SQLE: variants seen among roughly 807,000 people sequenced by gnomAD.
The protein encoded by SQLE is squalene monooxygenase.
In SQLE, 29 loss-of-function variants were observed where a neutral mutation model predicts 60.7. The observed-to-expected ratio is 0.48, with a 90% CI of 0.36 to 0.65. The LOEUF (loss-of-function observed/expected upper bound fraction) is 0.65. Ranked by LOEUF, SQLE falls within the 30% of genes least tolerant of loss-of-function variation. SQLE has a pLI of 0.00. For synonymous variants in SQLE, 237 were observed against 246.8 expected (o/e 0.96, Z 0.37); for missense variants, 605 against 684.1 (o/e 0.88, Z 1.29).
intron 7 of SQLE, among the ~76,000 whole-genome samples, chr8:125,013,113 T>C (rs1360006811): frequency 6.6e-6 from 1 of 152,216 alleles, no homozygotes; most frequent in Non-Finnish European, 1.5e-5. Context: ...AATTTATGTA[T>C]TGTTGAGTTT....
rs1815107665 is a variant in SQLE at position 125,016,056 on chromosome 8, A to G, written c.1205-2003A>G. Reference sequence around the variant, plus strand: ...CTTGACCTTTGGGAGTTTGATTATTAAATGGCTTGAACTAGTCTTGTTTGG... The same window carrying G: ...CTTGACCTTTGGGAGTTTGATTATTGAATGGCTTGAACTAGTCTTGTTTGG... On this transcript the variant is annotated intron_variant, in intron 7 of 10. Transcript: ENST00000265896. The surrounding 1 kb of genome is among the most constrained non-coding windows in gnomAD (Gnocchi z 4.1). Among the ~76,000 whole-genome samples, 1 of 152,164 alleles carries G rather than the reference A, an allele frequency of 6.6e-6. No homozygotes were observed. Among genetic ancestry groups the G allele is most frequent in the African/African-American group, 2.4e-5 (1 of 41,442 alleles).
rs1193062463 is a variant in SQLE at position 125,018,082 on chromosome 8, T to G, written c.1228T>G (p.Tyr410Asp). ...KRGVLLLGDA[Y>D]NMRHPLTGGG... ...AGGTGTTCTTCTTTTGGGAGACGCA[T>G]ATAATATGAGGCATCCACTTACTGG... is the stretch of plus-strand genomic sequence containing the variant. The change falls in exon 8 of 11, where the codon TAT becomes GAT. Residue 410 changes from tyrosine to aspartate, a missense_variant. Coordinates refer to ENST00000265896, the MANE Select transcript of SQLE (RefSeq NM_003129.4). 6.2e-7 allele frequency: 1 copy of G among 1,613,648 alleles called. No homozygotes were observed. Among genetic ancestry groups the G allele is most frequent in the East Asian group, 2.2e-5 (1 of 44,872 alleles).
rs979477855 is a variant in SQLE at position 124,999,021 on chromosome 8, G to A, written c.-383G>A. 1 of 274,776 alleles carries A rather than the reference G, an allele frequency of 3.6e-6. No individual in the cohort carries two copies. Among genetic ancestry groups the A allele is most frequent in the Non-Finnish European group, 6.7e-6 (1 of 148,920 alleles). The allele number at this position is 274,776 out of a possible 1,614,324, so 17.0% of individuals were successfully genotyped here. A position where few individuals can be genotyped will look rare whatever the true frequency, so the allele number is the denominator to read the frequency against. On this transcript the variant is annotated 5_prime_UTR_variant, in exon 1 of 11. Coordinates refer to ENST00000265896, the MANE Select transcript of SQLE (RefSeq NM_003129.4). ...AGGGCACCTGCTCTTGGTGAGAAAAGAAATTATAGCACGAAGAGCCAGTAT... is the reference window on the plus strand; with the variant it reads ...AGGGCACCTGCTCTTGGTGAGAAAAAAAATTATAGCACGAAGAGCCAGTAT...
At chr8:125,019,837 A>G (rs1214327411) in intron 9 of SQLE, among the ~76,000 whole-genome samples, 2 of 151,472 alleles carry the variant, frequency 1.3e-5, no homozygotes, top group African/African-American at 2.4e-5. Context: ...TGTAGCCTCT[A>G]TAACCATTAA....
chr8:125,008,844 C>A, intron 4 of SQLE, 127 bp from the exon 5 acceptor site: 1 of 575,234 alleles, frequency 1.7e-6, no homozygotes, highest in Non-Finnish European at 2.8e-6. Context: ...ATAGTATTAT[C>A]TTCAACTACT....
chr8:125,021,997 A>G lies in SQLE; in HGVS notation c.*52A>G. 7.0e-7 allele frequency: 1 copy of G among 1,434,784 alleles called. No individual in the cohort carries two copies. Among genetic ancestry groups the G allele is most frequent in the Non-Finnish European group, 9.4e-7 (1 of 1,059,586 alleles). 88.9% of individuals were successfully genotyped at this position (1,434,784 alleles called of 1,614,324 possible). On this transcript the variant is annotated 3_prime_UTR_variant, in exon 11 of 11. Coordinates refer to ENST00000265896, the MANE Select transcript of SQLE (RefSeq NM_003129.4). Reference sequence around the variant, plus strand: ...AATATTTGGAACTTACCAAGTCCTAAGAGACTTTTGGAAGAGGATATATAT... The same window carrying G: ...AATATTTGGAACTTACCAAGTCCTAGGAGACTTTTGGAAGAGGATATATAT...
chr8:125,006,245 C>T (rs1049534586), intron 3 of SQLE, among the ~76,000 whole-genome samples: 1 of 152,130 alleles, frequency 6.6e-6, no homozygotes, highest in African/African-American at 2.4e-5. Context: ...ATTGACAAAG[C>T]AAGTGAAGAA....
intron 2 of SQLE, among the ~76,000 whole-genome samples, chr8:125,004,650 C>G (rs1467863781): frequency 6.6e-6 from 1 of 151,692 alleles, no homozygotes; most frequent in African/African-American, 2.4e-5. Context: ...ATGTTTTTGT[C>G]CATTACTATT....
intron 10 of SQLE, among the ~76,000 whole-genome samples, chr8:125,021,126 T>C (rs563684103): frequency 2.0e-5 from 3 of 152,210 alleles, no homozygotes; most frequent in Admixed American, 6.5e-5. Flanking sequence ...TTTTTGCCTA[T>C]GGATTTATCC....
At chr8:125,015,279 T>C (rs1167965213) in intron 7 of SQLE, among the ~76,000 whole-genome samples, 1 of 152,208 alleles carries the variant, frequency 6.6e-6, no homozygotes, top group East Asian at 1.9e-4. Context: ...TCAGTCTCTT[T>C]GTGGCTTTAT....
In SQLE at chr8:125,018,740, A is replaced by C. The variant is rs1400823448; in HGVS notation, c.1444+13A>C. ...TCTGCCACAGATGGTAAGTGTAGAC[A>C]CTTTTTAGTGAATATTACTCAATTG... On this transcript the variant is annotated intron_variant, in intron 9 of 10. Transcript: ENST00000265896. The C allele has an allele frequency of 6.5e-7, 1 of 1,534,016 alleles. No individual in the cohort carries two copies. Among genetic ancestry groups the C allele is most frequent in the African/African-American group, 1.4e-5 (1 of 72,258 alleles).
Position 124,998,860 on chromosome 8 carries a change from G to A in SQLE, c.-544G>A, listed in dbSNP as rs1814792910. On this transcript the variant is annotated 5_prime_UTR_variant, in exon 1 of 11. Coordinates refer to ENST00000265896, the MANE Select transcript of SQLE (RefSeq NM_003129.4). ...TACAGTGTCTCCGTCCGCGGAAAAAGAAGCCTCTGAACCCGCGCCGGCCCG... is the reference window on the plus strand; with the variant it reads ...TACAGTGTCTCCGTCCGCGGAAAAAAAAGCCTCTGAACCCGCGCCGGCCCG... The A allele has an allele frequency of 2.5e-6, 1 of 404,550 alleles. No homozygotes were observed. Among genetic ancestry groups the A allele is most frequent in the Non-Finnish European group, 4.4e-6 (1 of 228,278 alleles). 25.1% of individuals were successfully genotyped at this position (404,550 alleles called of 1,614,324 possible). A position where few individuals can be genotyped will look rare whatever the true frequency, so the allele number is the denominator to read the frequency against.
chr8:125,021,309 GC>G (rs1190205462), intron 10 of SQLE, among the ~76,000 whole-genome samples: 1 of 152,082 alleles, frequency 6.6e-6, no homozygotes, highest in Non-Finnish European at 1.5e-5. Flanking sequence ...TTTCTCATTT[GC>G]AAAGTGATCC....
intron 7 of SQLE, among the ~76,000 whole-genome samples, chr8:125,013,309 T>G (rs926543852): frequency 3.3e-5 from 5 of 151,880 alleles, no homozygotes; most frequent in African/African-American, 1.2e-4. Context: ...TTAGGAAGGC[T>G]TTGTCCAATC....
rs144079596 is a variant in SQLE, at chr8:125,007,252, TAAAA to T, written c.726-136_726-133del. 7.1e-3 allele frequency: 3,283 copies of T among 464,468 alleles called. 101 individuals carry two copies. The highest frequency in any genetic ancestry group is 0.056 in the African/African-American group (2,803 of 50,462). The allele number at this position is 464,468 out of a possible 1,614,324, so 28.8% of individuals were successfully genotyped here. ...TATTAAATGTTGATAAATTAGAAAATAAAAAACACACATTGGACACGTGTTTGCA... is the reference window on the plus strand; with the variant it reads ...TATTAAATGTTGATAAATTAGAAAATAACACACATTGGACACGTGTTTGCA... On this transcript the variant is annotated intron_variant, in intron 3 of 10. Transcript: ENST00000265896.
intron 8 of SQLE, 66 bp from the exon 9 acceptor site, chr8:125,018,565 G>C (rs1036826015): frequency 2.0e-5 from 20 of 998,132 alleles, no homozygotes; most frequent in Middle Eastern, 3.0e-4. Context: ...AGTTTGAGGG[G>C]ATTATAAACA....
rs201600660 is a variant in SQLE, at chr8:125,018,725, A to G, written c.1442A>G (p.Asp481Gly). Reference sequence around the variant, plus strand: ...CTTTATGAATTATTTTCTGCCACAGATGGTAAGTGTAGACACTTTTTAGTG... The same window carrying G: ...CTTTATGAATTATTTTCTGCCACAGGTGGTAAGTGTAGACACTTTTTAGTG... ...QALYELFSAT[D>G]DSLHQLRKAC... Residue 481 changes from aspartate to glycine, a missense_variant and splice_region_variant, in exon 9 of 11, where the codon GAT becomes GGT. By Grantham distance (94) the Asp-to-Gly change is moderately conservative (BLOSUM62 -1). Transcript: ENST00000265896. 1 of 1,593,250 alleles carries G rather than the reference A, an allele frequency of 6.3e-7. No individual in the cohort carries two copies. Among genetic ancestry groups the G allele is most frequent in the African/African-American group, 1.3e-5 (1 of 74,146 alleles).
intron 4 of SQLE, among the ~76,000 whole-genome samples, chr8:125,007,987 T>G (rs867217206): frequency 6.6e-6 from 1 of 152,218 alleles, no homozygotes; most frequent in African/African-American, 2.4e-5. Context: ...GAAGGCAAGA[T>G]TCAACATAAA....
intron 7 of SQLE, among the ~76,000 whole-genome samples, chr8:125,014,962 T>C (rs957206019): frequency 6.6e-6 from 1 of 152,160 alleles, no homozygotes; most frequent in African/African-American, 2.4e-5. Flanking sequence ...CTGATGTTTG[T>C]TGTTTATCTG....
Sources: allele counts gnomAD v4.1 joint callset (sites outside exome capture counted in the v4.1 genomes callset), GRCh38; gene constraint gnomAD v4.1.1; non-coding constraint Gnocchi (gnomAD v3.1); transcripts MANE v1.5; gene names NCBI Gene and HGNC (gene_info 2026-07-23, HGNC 2026-07-21).